Variants in PDE1C observed in about 807,000 individuals in gnomAD.
The protein encoded by PDE1C is dual specificity calcium/calmodulin-dependent 3',5'-cyclic nucleotide phosphodiesterase 1C.
PDE1C carries 62 observed loss-of-function variants against 93.1 expected under a neutral mutation model. The observed-to-expected ratio is 0.67, with a 90% CI of 0.54 to 0.82. The LOEUF is 0.82. Ranked by LOEUF, PDE1C falls within the 40% of genes least tolerant of loss-of-function variation. PDE1C has a pLI of 0.00. For synonymous variants in PDE1C, 325 were observed against 310.1 expected, an observed-to-expected ratio of 1.05 and a Z score of -0.50; for missense variants, 742 against 884.6, an observed-to-expected ratio of 0.84 and a Z score of 2.04.
At chr7:32,111,546 T>G (rs775827639) in intron 3 of PDE1C, among the ~76,000 whole-genome samples, 1 of 152,108 alleles carries the variant, frequency 6.6e-6, no homozygotes. Context: ...TGGTTGGGAT[T>G]TGGATTCCTC....
At chr7:32,054,091 G>A (rs1228521760) in intron 1 of PDE1C, among the ~76,000 whole-genome samples, 1 of 135,170 alleles carries the variant, frequency 7.4e-6, no homozygotes, top group African/African-American at 2.8e-5. Flanking sequence ...GAGTTAAGTG[G>A]GAAGAGTAAT....
At chr7:32,240,783 T>A (rs1362016187) in intron 1 of PDE1C, among the ~76,000 whole-genome samples, 6 of 152,154 alleles carry the variant, frequency 3.9e-5, no homozygotes, top group African/African-American at 7.2e-5. Flanking sequence ...CTGGCTGCTG[T>A]GGCAAGAATC....
chr7:31,686,529 G>C, the PDE1C span, among the ~76,000 whole-genome samples: 1 of 152,140 alleles, frequency 6.6e-6, no homozygotes, highest in Non-Finnish European at 1.5e-5. Flanking sequence ...TGCTCTCTTT[G>C]CTGAGAGGTA....
chr7:32,094,469 C>A (rs970889154), intron 3 of PDE1C, among the ~76,000 whole-genome samples: 2 of 152,148 alleles, frequency 1.3e-5, no homozygotes, highest in Non-Finnish European at 2.9e-5. Flanking sequence ...TACTTTCTCC[C>A]TTTACTGCTA....
At chr7:32,064,779 C>A (rs535485099) in intron 1 of PDE1C, among the ~76,000 whole-genome samples, 2 of 152,228 alleles carry the variant, frequency 1.3e-5, no homozygotes, top group South Asian at 2.1e-4. Context: ...TACTCACCTC[C>A]TCAAACTATG....
chr7:32,225,203 G>A (rs538644870), intron 1 of PDE1C, among the ~76,000 whole-genome samples: 12 of 152,262 alleles, frequency 7.9e-5, no homozygotes, highest in South Asian at 2.1e-4. Context: ...ACTGAATGAC[G>A]TTAAGGGGTG....
the PDE1C span, among the ~76,000 whole-genome samples, chr7:31,648,236 C>T: frequency 6.6e-6 from 1 of 151,980 alleles, no homozygotes; most frequent in Non-Finnish European, 1.5e-5. Context: ...GTGCTCTTAC[C>T]ATTGAAGTTA....
At chr7:31,956,593 T>A (rs1808182418) in intron 2 of PDE1C, among the ~76,000 whole-genome samples, 1 of 151,538 alleles carries the variant, frequency 6.6e-6, no homozygotes, top group African/African-American at 2.4e-5. Flanking sequence ...TTTAGATAGG[T>A]TACACAGAAG....
chr7:31,833,821 A>G (rs1212246998), intron 11 of PDE1C, among the ~76,000 whole-genome samples: 1 of 152,244 alleles, frequency 6.6e-6, no homozygotes, highest in African/African-American at 2.4e-5. Flanking sequence ...GATGCAATAG[A>G]AAAGAAAAAC....
the PDE1C span, among the ~76,000 whole-genome samples, chr7:31,624,748 C>G: frequency 6.6e-6 from 1 of 151,566 alleles, no homozygotes; most frequent in Admixed American, 6.6e-5. Flanking sequence ...AAAGCAATGG[C>G]AACAAAAGCC....
intron 1 of PDE1C, among the ~76,000 whole-genome samples, chr7:32,056,435 T>C (rs576328437): frequency 4.6e-5 from 7 of 151,644 alleles, no homozygotes; most frequent in Admixed American, 3.9e-4. Context: ...TCTGTTTTTC[T>C]AAGGGGAGGC....
the PDE1C span, among the ~76,000 whole-genome samples, chr7:31,649,646 T>C: frequency 6.6e-6 from 1 of 152,148 alleles, no homozygotes. Context: ...CTGATAGAGA[T>C]GGCTTTAGGG....
chr7:32,237,175 C>T (rs996769460), intron 1 of PDE1C, among the ~76,000 whole-genome samples: 1 of 150,720 alleles, frequency 6.6e-6, no homozygotes, highest in Non-Finnish European at 1.5e-5. Flanking sequence ...CAAGTTCTAC[C>T]ACCCAGGTTC....
At position 32,146,121 on chromosome 7, in the gene PDE1C, C is replaced by T. The variant is rs748401230; in HGVS notation, c.308+23664G>A. Among the ~76,000 whole-genome samples the T allele has an allele frequency of 2.6e-5, 4 of 152,088 alleles. No homozygotes were observed. The South Asian group carries it at 8.3e-4, about 32-fold the overall frequency. On this transcript the variant is annotated intron_variant, in intron 3 of 18. Coordinates refer to the PDE1C transcript ENST00000396193. ...CGTGTGGCTCAGTTTCAAGGACTTCCCAGGACTCTAAGGTTATTCTGACAC... is the reference window on the plus strand; with the variant it reads ...CGTGTGGCTCAGTTTCAAGGACTTCTCAGGACTCTAAGGTTATTCTGACAC...
chr7:32,120,619 T>C (rs1010826215), intron 3 of PDE1C, among the ~76,000 whole-genome samples: 7 of 152,008 alleles, frequency 4.6e-5, no homozygotes, highest in Non-Finnish European at 8.8e-5. Flanking sequence ...GAATCCCCAG[T>C]AAAGACAGCA....
At chr7:32,416,969 T>G (rs1026885829) in intron 1 of PDE1C, among the ~76,000 whole-genome samples, 4 of 152,032 alleles carry the variant, frequency 2.6e-5, no homozygotes, top group African/African-American at 9.7e-5. Flanking sequence ...CCGCCACATA[T>G]GGGAGCTAGC....
chr7:31,651,131 A>G, the PDE1C span: 4 of 1,609,976 alleles, frequency 2.5e-6, no homozygotes, highest in Middle Eastern at 1.7e-4. Flanking sequence ...GTTCTTTCTC[A>G]TTGTTCTCAG....
the PDE1C span, chr7:31,692,616 C>A: frequency 1.4e-5 from 16 of 1,148,698 alleles, no homozygotes; most frequent in Non-Finnish European, 2.1e-5. Flanking sequence ...AGAGAGGGCA[C>A]CCCCCGAAAC....
intron 1 of PDE1C, among the ~76,000 whole-genome samples, chr7:32,363,038 T>C (rs1206470241): frequency 6.6e-6 from 1 of 152,242 alleles, no homozygotes; most frequent in Non-Finnish European, 1.5e-5. Flanking sequence ...CTAGTATCAA[T>C]AGAGCATTCA....
Sources: allele counts gnomAD v4.1 joint callset (sites outside exome capture counted in the v4.1 genomes callset), GRCh38; gene constraint gnomAD v4.1.1; transcripts MANE v1.5; gene names NCBI Gene and HGNC (gene_info 2026-07-23, HGNC 2026-07-21).